The following MEI1 variants were observed in gnomAD, a reference collection of about 807,000 sequenced individuals.
MEI1 encodes the protein meiosis inhibitor protein 1.
Under a neutral mutation model 146.2 loss-of-function variants are expected in MEI1, and 103 were observed. The ratio of observed to expected loss-of-function variants is 0.70; its 90% CI spans 0.60 to 0.83. The LOEUF is 0.83. Among genes scored for constraint, MEI1 ranks in the 40% least tolerant of loss-of-function variants. The pLI, the probability that MEI1 is intolerant of heterozygous loss-of-function variation, is 0.00. For synonymous variants in MEI1, 652 were observed against 628.2 expected (o/e 1.04, Z -0.57); for missense variants, 1,529 against 1,533.0 (o/e 1.00, Z 0.04).
Position 41,716,151 on chromosome 22 carries a change from G to C in MEI1, c.529+5G>C. The C allele has an allele frequency of 6.3e-7, 1 of 1,595,484 alleles. No homozygotes were observed. Among genetic ancestry groups the C allele is most frequent in the East Asian group, 2.3e-5 (1 of 44,396 alleles). ...ACGAGCTTGTAATGGAGCATGGTGAGTGACCTGTGGGAGGAGCTGCCACTA... is the reference window on the plus strand; with the variant it reads ...ACGAGCTTGTAATGGAGCATGGTGACTGACCTGTGGGAGGAGCTGCCACTA... On this transcript the variant is annotated splice_donor_5th_base_variant and intron_variant, in intron 5 of 30. Coordinates refer to ENST00000401548, the MANE Select transcript of MEI1 (RefSeq NM_152513.4).
intron 11 of MEI1, among the ~76,000 whole-genome samples, chr22:41,737,532 C>G (rs1486097316): frequency 6.6e-6 from 1 of 151,388 alleles, no homozygotes; most frequent in Non-Finnish European, 1.5e-5. Flanking sequence ...AGCCACCGCG[C>G]CCGGCCTCTT....
chr22:41,768,841 G>A (rs2075009641), intron 19 of MEI1, among the ~76,000 whole-genome samples: 1 of 152,196 alleles, frequency 6.6e-6, no homozygotes, highest in East Asian at 1.9e-4. Context: ...TTGGACATGA[G>A]ATTTGGGCGG....
rs771955858 is a variant in MEI1, at chr22:41,745,988, C to T, written c.1642C>T (p.Leu548Phe). The change falls in exon 14 of 31, where the codon CTC becomes TTC. Residue 548 changes from leucine (L) to phenylalanine (F), a missense_variant. Coordinates refer to ENST00000401548, the MANE Select transcript of MEI1 (RefSeq NM_152513.4). ...CTTGGAGGCCTTCTCAGAATTTCTT[C>T]TCAGTGCCTGTGACTCGCTGTGTAT... ...DTLEAFSEFL[L>F]SACDSLCIPM... is the part of the protein sequence containing the mutation. 2 of 1,611,946 alleles carry T rather than the reference C, an allele frequency of 1.2e-6. No homozygotes were observed. Among genetic ancestry groups the T allele is most frequent in the South Asian group, 2.2e-5 (2 of 90,700 alleles).
intron 1 of MEI1, among the ~76,000 whole-genome samples, chr22:41,701,153 G>A (rs2068698639): frequency 2.0e-5 from 3 of 151,730 alleles, no homozygotes; most frequent in Non-Finnish European, 4.4e-5. Flanking sequence ...TGGTCAGGTT[G>A]GTGTTGAACT....
chr22:41,765,306 G>A (rs909232021), intron 19 of MEI1, among the ~76,000 whole-genome samples: 1 of 152,042 alleles, frequency 6.6e-6, no homozygotes, highest in South Asian at 2.1e-4. Context: ...ATGAGCCACC[G>A]TGCCCAGCCA....
chr22:41,732,075 G>A (rs578205388), intron 9 of MEI1, among the ~76,000 whole-genome samples, 170 bp from the exon 10 acceptor site: 24 of 152,178 alleles, frequency 1.6e-4, no homozygotes, highest in Non-Finnish European at 2.8e-4. Flanking sequence ...ATGAGGGCCC[G>A]GCCTCAAAGA....
intron 12 of MEI1, 59 bp from the exon 13 acceptor site, chr22:41,744,914 T>C (rs988153423): frequency 1.9e-6 from 2 of 1,078,792 alleles, no homozygotes; most frequent in South Asian, 1.9e-5. Flanking sequence ...CATCCAAGCA[T>C]AGACTGAGAC....
At chr22:41,761,038 G>T (rs1465673727) in intron 18 of MEI1, among the ~76,000 whole-genome samples, 1 of 152,070 alleles carries the variant, frequency 6.6e-6, no homozygotes, top group Non-Finnish European at 1.5e-5. Context: ...CCTCACGGGT[G>T]CGGTGGCTTA....
intron 20 of MEI1, among the ~76,000 whole-genome samples, chr22:41,772,858 C>T (rs1434470973): frequency 6.6e-6 from 1 of 152,136 alleles, no homozygotes; most frequent in East Asian, 1.9e-4. Context: ...CCCCTGACCT[C>T]TCTCCTGAGC....
intron 11 of MEI1, among the ~76,000 whole-genome samples, chr22:41,740,944 C>G (rs1356307482): frequency 2.0e-5 from 3 of 152,084 alleles, no homozygotes; most frequent in Non-Finnish European, 4.4e-5. Context: ...GAGGGTCTTG[C>G]TCTGTCACCA....
chr22:41,760,460 G>C (rs1227588373), intron 18 of MEI1, among the ~76,000 whole-genome samples: 1 of 152,170 alleles, frequency 6.6e-6, no homozygotes, highest in Non-Finnish European at 1.5e-5. Flanking sequence ...AGTGAGCTGA[G>C]ATCGTGCCAC....
intron 20 of MEI1, among the ~76,000 whole-genome samples, chr22:41,775,805 A>G (rs184190542): frequency 7.0e-4 from 107 of 152,224 alleles, no homozygotes; most frequent in African/African-American, 2.5e-3. Context: ...CGTGTTAGCC[A>G]GGATGGTCTC....
At chr22:41,758,077 C>A (rs2074213046) in intron 17 of MEI1, among the ~76,000 whole-genome samples, 1 of 152,152 alleles carries the variant, frequency 6.6e-6, no homozygotes, top group South Asian at 2.1e-4. Flanking sequence ...CATTGCACTC[C>A]AGCATGGGCA....
intron 30 of MEI1, among the ~76,000 whole-genome samples, chr22:41,797,504 T>G (rs115820249): frequency 0.015 from 2,296 of 151,916 alleles, 51 homozygotes; most frequent in African/African-American, 0.052. Context: ...CCCAGCTACT[T>G]AGGAGGTTGA....
At chr22:41,768,392 A>C (rs77665328) in intron 19 of MEI1, among the ~76,000 whole-genome samples, 2,719 of 11,484 alleles carry the variant, frequency 0.24, 26 homozygotes, top group Non-Finnish European at 0.31. Context: ...CTGTCTCCCA[A>C]AAAAAAAAAA....
intron 11 of MEI1, among the ~76,000 whole-genome samples, chr22:41,742,818 A>C (rs1279587890): frequency 6.6e-6 from 1 of 152,090 alleles, no homozygotes; most frequent in Admixed American, 6.5e-5. Flanking sequence ...ACACTTGGCT[A>C]ATTTTTGTGG....
In MEI1 at chr22:41,763,245, GC is replaced by G; in HGVS notation, c.2198del (p.Pro733HisfsTer34). ...CTGTCGCTGCAGGACCAGGGCGAGC[GC>G]CCCCCACTGGTGGTCTTCAAAGCCT... ...FLLSLQDQGE[R>X]PPLVVFKASI... On this transcript the variant is annotated frameshift_variant, in exon 19 of 31. Transcript: ENST00000401548. LOFTEE classifies it high-confidence loss of function. 1.2e-6 allele frequency: 2 copies of G among 1,613,776 alleles called. No individual in the cohort carries two copies. The highest frequency in any genetic ancestry group is 1.7e-6 in the Non-Finnish European group (2 of 1,179,792).
chr22:41,797,273 C>T (rs749034022), intron 30 of MEI1, among the ~76,000 whole-genome samples: 9 of 151,976 alleles, frequency 5.9e-5, no homozygotes, highest in Non-Finnish European at 1.3e-4. Context: ...CAGGCATGAG[C>T]CACTGTGCCT....
At chr22:41,700,749 ATTTTTTTTTTT>A (rs78862314) in intron 1 of MEI1, among the ~76,000 whole-genome samples, 34 of 117,644 alleles carry the variant, frequency 2.9e-4, no homozygotes, top group Admixed American at 1.3e-3. Flanking sequence ...GCAGTTCTCA[ATTTTTTTTTTT>A]TTTTTTTTTT....
Sources: gnomAD v4.1 joint callset for allele counts (sites outside exome capture counted in the v4.1 genomes callset) on GRCh38, gnomAD v4.1.1 for gene constraint, MANE v1.5 for transcripts, NCBI Gene and HGNC (gene_info 2026-07-23, HGNC 2026-07-21) for gene names.